The following EDNRA variants were observed in gnomAD, a reference collection of about 807,000 sequenced individuals.
EDNRA encodes the protein endothelin-1 receptor.
Under a neutral mutation model 41.4 loss-of-function variants are expected in EDNRA, and 11 were observed. That is an observed-to-expected ratio of 0.27 (90% CI 0.17 to 0.44). The LOEUF (loss-of-function observed/expected upper bound fraction) is 0.44, where lower values mean the gene tolerates loss of function less well. Among genes scored for constraint, EDNRA ranks in the 20% least tolerant of loss-of-function variants. The pLI is 1.00. For synonymous variants in EDNRA, 172 were observed against 183.0 expected, an observed-to-expected ratio of 0.94 and a Z score of 0.49; for missense variants, 294 against 531.0, an observed-to-expected ratio of 0.55 and a Z score of 4.39.
chr4:147,534,373 G>C (rs1359722856), intron 4 of EDNRA, among the ~76,000 whole-genome samples: 1 of 152,206 alleles, frequency 6.6e-6, no homozygotes, highest in Non-Finnish European at 1.5e-5. Context: ...TGTGTAAGCA[G>C]TTTAGAATAA....
intron 2 of EDNRA, among the ~76,000 whole-genome samples, chr4:147,496,812 G>A (rs1427064269): frequency 3.9e-5 from 6 of 152,070 alleles, no homozygotes; most frequent in African/African-American, 1.2e-4. Context: ...TGTGAATATC[G>A]CACTTTCTCA....
At position 147,536,068 on chromosome 4, in the gene EDNRA, G is replaced by C. The variant is rs10305914; in HGVS notation, c.900+39G>C. ...CATCATGAAAATCTGGCCAGGACTG[G>C]TTAGTCCTTGACAGCAGCAGGCCTG... is the stretch of plus-strand genomic sequence containing the variant. On this transcript the variant is annotated intron_variant, in intron 5 of 7. Coordinates refer to ENST00000651419, the MANE Select transcript of EDNRA (RefSeq NM_001957.4). 3.7e-6 allele frequency: 6 copies of C among 1,610,940 alleles called. No individual in the cohort carries two copies. In the South Asian group the frequency reaches 6.6e-5, roughly 18 times the overall value.
At chr4:147,527,412 C>T (rs1277668851) in intron 3 of EDNRA, among the ~76,000 whole-genome samples, 1 of 151,990 alleles carries the variant, frequency 6.6e-6, no homozygotes, top group African/African-American at 2.4e-5. Flanking sequence ...GGGCCACGCC[C>T]GTGTAGAAAC....
intron 2 of EDNRA, chr4:147,506,233 G>A (rs1024086360): frequency 3.9e-6 from 2 of 515,912 alleles, no homozygotes; most frequent in South Asian, 1.4e-5. Context: ...GATATTGGCC[G>A]AAAAGCAGCT....
At chr4:147,495,235 C>T (rs2126393997) in intron 2 of EDNRA, 1 of 152,300 alleles carries the variant, frequency 6.6e-6, no homozygotes, top group East Asian at 1.9e-4. Flanking sequence ...ATCCCAGAGG[C>T]TGTGCTGTTA....
rs1258345853 is a variant in EDNRA at position 147,486,322 on chromosome 4, GGAT to G, written c.420+226_420+228del. 6.6e-6 allele frequency among the ~76,000 whole-genome samples: 1 copy of G among 152,066 alleles called. No individual in the cohort carries two copies. Among genetic ancestry groups the G allele is most frequent in the Non-Finnish European group, 1.5e-5 (1 of 68,008 alleles). On this transcript the variant is annotated intron_variant, in intron 2 of 7. Coordinates refer to ENST00000651419, the MANE Select transcript of EDNRA (RefSeq NM_001957.4). The surrounding 1 kb of genome is among the most constrained non-coding windows in gnomAD (Gnocchi z 4.3). Reference sequence around the variant, plus strand: ...TAATTGTAACAAAATAGTATTTCAGGGATGATGGTTCAAAATCATGGTGTTTCA... The same window carrying G: ...TAATTGTAACAAAATAGTATTTCAGGGATGGTTCAAAATCATGGTGTTTCA...
chr4:147,524,901 AAAAAAT>A (rs1730479315), intron 3 of EDNRA, among the ~76,000 whole-genome samples: 1 of 152,170 alleles, frequency 6.6e-6, no homozygotes, highest in African/African-American at 2.4e-5. Context: ...CTACTACAAA[AAAAAAT>A]AAAAATAAAA....
intron 6 of EDNRA, 36 bp downstream of exon 6, chr4:147,539,986 T>C: frequency 1.3e-6 from 2 of 1,551,674 alleles, no homozygotes; most frequent in Non-Finnish European, 1.7e-6. Flanking sequence ...AATTGGAGTT[T>C]CTCAGATTTT....
chr4:147,527,751 A>ATTTTATACT (rs1553980331), intron 3 of EDNRA, among the ~76,000 whole-genome samples: 1 of 152,172 alleles, frequency 6.6e-6, no homozygotes, highest in Non-Finnish European at 1.5e-5. Context: ...TAAAATATAT[A>ATTTTATACT]TTTTATACTT....
In EDNRA at chr4:147,535,955, AC is replaced by A; in HGVS notation, c.829del (p.Leu277SerfsTer2). On this transcript the variant is annotated frameshift_variant, in exon 5 of 8. Coordinates refer to ENST00000651419, the MANE Select transcript of EDNRA (RefSeq NM_001957.4). LOFTEE classifies it high-confidence loss of function. ...MPLVCTAIFY[T>X]LMTCEMLNRR... ...CTTGGTGTGCACTGCGATCTTCTAC[AC>A]CCTCATGACTTGTGAGATGTTGAAC... 1.2e-6 allele frequency: 2 copies of A among 1,613,356 alleles called. No homozygotes were observed. The highest frequency in any genetic ancestry group is 1.7e-6 in the Non-Finnish European group (2 of 1,179,838).
chr4:147,504,676 G>A (rs192666602), intron 2 of EDNRA, among the ~76,000 whole-genome samples: 3 of 152,124 alleles, frequency 2.0e-5, no homozygotes, highest in East Asian at 1.9e-4. Flanking sequence ...GACAACAGCC[G>A]GGTGCGGTGG....
At chr4:147,511,364 A>G (rs544730325) in intron 2 of EDNRA, among the ~76,000 whole-genome samples, 13 of 152,242 alleles carry the variant, frequency 8.5e-5, no homozygotes, top group Admixed American at 3.3e-4. Context: ...AATCACCTCA[A>G]TCTTATTTAC....
In EDNRA at chr4:147,543,920, G is replaced by A. The variant is rs567893268; in HGVS notation, c.*1302G>A. Reference sequence around the variant, plus strand: ...GTCACCATTTCAAAGGGCCCACAGTGACTTTTGCTGGGCATTTTCCCAGAT... The same window carrying A: ...GTCACCATTTCAAAGGGCCCACAGTAACTTTTGCTGGGCATTTTCCCAGAT... On this transcript the variant is annotated 3_prime_UTR_variant, in exon 8 of 8. Transcript: ENST00000651419. The A allele has an allele frequency of 1.3e-5, 2 of 152,634 alleles. No homozygotes were observed. Among genetic ancestry groups the A allele is most frequent in the Non-Finnish European group, 2.9e-5 (2 of 68,020 alleles). 9.5% of individuals were successfully genotyped at this position (152,634 alleles called of 1,614,324 possible).
intron 4 of EDNRA, among the ~76,000 whole-genome samples, chr4:147,533,612 A>G (rs961007832): frequency 4.6e-5 from 7 of 152,206 alleles, no homozygotes; most frequent in African/African-American, 1.7e-4. Context: ...TTAAAATTAA[A>G]AGTGCTCATG....
chr4:147,528,506 C>T (rs915021740), intron 3 of EDNRA, among the ~76,000 whole-genome samples: 1 of 151,844 alleles, frequency 6.6e-6, no homozygotes, highest in South Asian at 2.1e-4. Context: ...GCATGCACCA[C>T]CATGCCTGGC....
intron 4 of EDNRA, among the ~76,000 whole-genome samples, chr4:147,535,639 C>G (rs545089041): frequency 3.9e-5 from 6 of 152,132 alleles, no homozygotes; most frequent in Non-Finnish European, 8.8e-5. Flanking sequence ...GTATCCTTGT[C>G]AAGATAATTT....
At position 147,500,954 on chromosome 4, in the gene EDNRA, A is replaced by G. The variant is rs369257510; in HGVS notation, c.420+14853A>G. Among the ~76,000 whole-genome samples the G allele has an allele frequency of 9.9e-4, 151 of 152,346 alleles. 6 individuals are homozygous for G. In the South Asian group the frequency reaches 0.03, roughly 30 times the overall value. On this transcript the variant is annotated intron_variant, in intron 2 of 7. Transcript: ENST00000651419. ...GCATTGACCTATTCGTGATTTTTGC[A>G]GAGGCACTCATTTGGATTGGCCCTC...
intron 2 of EDNRA, among the ~76,000 whole-genome samples, chr4:147,487,195 C>T (rs1253049296): frequency 6.6e-6 from 1 of 152,176 alleles, no homozygotes; most frequent in African/African-American, 2.4e-5. Flanking sequence ...GAGCCAGACA[C>T]CTCCCACCAG....
intron 1 of EDNRA, among the ~76,000 whole-genome samples, chr4:147,482,397 C>T (rs984458): frequency 0.37 from 55,798 of 152,034 alleles, 11,178 homozygotes; most frequent in African/African-American, 0.54. Flanking sequence ...AGATTCCAAA[C>T]AGGAAGAATG....
Sources: allele counts gnomAD v4.1 joint callset (sites outside exome capture counted in the v4.1 genomes callset), GRCh38; gene constraint gnomAD v4.1.1; non-coding constraint Gnocchi (gnomAD v3.1); transcripts MANE v1.5; gene names NCBI Gene and HGNC (gene_info 2026-07-23, HGNC 2026-07-21).